DIP2A: variants seen among roughly 807,000 people sequenced by gnomAD.
DIP2A encodes the protein disco-interacting protein 2 homolog A.
Under a neutral mutation model 177.4 loss-of-function variants are expected in DIP2A, and 85 were observed. The observed-to-expected ratio is 0.48, with a 90% CI of 0.40 to 0.57. The LOEUF (loss-of-function observed/expected upper bound fraction) is 0.57. Ranked by LOEUF, DIP2A falls within the 20% of genes least tolerant of loss-of-function variation. The pLI, the probability that DIP2A is intolerant of heterozygous loss-of-function variation, is 0.00. For missense variants in DIP2A, 1,791 were observed against 2,100.2 expected, an observed-to-expected ratio of 0.85 and a Z score of 2.88; for synonymous variants, 886 against 881.8, an observed-to-expected ratio of 1.00 and a Z score of -0.08.
At chr21:46,493,366 C>CAGT (rs1200237090) in intron 3 of DIP2A, among the ~76,000 whole-genome samples, 2 of 151,414 alleles carry the variant, frequency 1.3e-5, no homozygotes, top group Admixed American at 1.3e-4. Context: ...AGGGGAATCA[C>CAGT]AGTAACTTCC....
chr21:46,472,494 C>T (rs959639077), intron 1 of DIP2A, among the ~76,000 whole-genome samples: 2 of 152,140 alleles, frequency 1.3e-5, no homozygotes, highest in Non-Finnish European at 2.9e-5. Flanking sequence ...CCAGTCAGCC[C>T]AAGGGGAGGG....
chr21:46,543,620 G>T (rs2059915042), intron 18 of DIP2A, among the ~76,000 whole-genome samples: 1 of 150,306 alleles, frequency 6.7e-6, no homozygotes, highest in Non-Finnish European at 1.5e-5. Context: ...CTTGTTGTGG[G>T]ACTGAGCCCC....
At chr21:46,516,702 C>T (rs1014282283) in intron 8 of DIP2A, among the ~76,000 whole-genome samples, 4 of 151,700 alleles carry the variant, frequency 2.6e-5, no homozygotes, top group African/African-American at 9.7e-5. Context: ...ACTGTGTTAG[C>T]CAGGATGGTC....
intron 8 of DIP2A, among the ~76,000 whole-genome samples, chr21:46,513,194 C>T (rs2058392072): frequency 6.6e-6 from 1 of 151,882 alleles, no homozygotes; most frequent in African/African-American, 2.4e-5. Flanking sequence ...TTCCTGCATG[C>T]TCTTCTAAAA....
intron 1 of DIP2A, among the ~76,000 whole-genome samples, chr21:46,466,319 G>A (rs1395894224): frequency 6.8e-6 from 1 of 146,348 alleles, no homozygotes; most frequent in East Asian, 2.1e-4. Flanking sequence ...TCACTGATAA[G>A]AGTTATAGAT....
intron 1 of DIP2A, among the ~76,000 whole-genome samples, chr21:46,478,589 G>C (rs944566265): frequency 1.3e-5 from 2 of 152,160 alleles, no homozygotes; most frequent in Non-Finnish European, 2.9e-5. Context: ...TGAGTCTTCA[G>C]ATTCATGAAT....
chr21:46,566,034 TC>T, intron 36 of DIP2A, 147 bp downstream of exon 36: 2 of 1,002,880 alleles, frequency 2.0e-6, no homozygotes, highest in Non-Finnish European at 2.9e-6. Context: ...ACAGCAGTTT[TC>T]TCTGAAAATA....
At chr21:46,489,090 CAAA>C (rs1294014838) in intron 2 of DIP2A, among the ~76,000 whole-genome samples, 2 of 152,150 alleles carry the variant, frequency 1.3e-5, no homozygotes, top group African/African-American at 2.4e-5. Context: ...CAGACACACA[CAAA>C]CACACGTGTG....
chr21:46,554,403 C>T, intron 26 of DIP2A, 111 bp downstream of exon 26: 2 of 1,555,716 alleles, frequency 1.3e-6, no homozygotes, highest in South Asian at 2.4e-5. Flanking sequence ...TAAGCTCAGC[C>T]CCTCCTCTCT....
chr21:46,465,631 A>G (rs1379396502), intron 1 of DIP2A, among the ~76,000 whole-genome samples: 1 of 152,184 alleles, frequency 6.6e-6, no homozygotes, highest in East Asian at 1.9e-4. Flanking sequence ...AAATTGAGGC[A>G]GGGACTCCAA....
intron 1 of DIP2A, among the ~76,000 whole-genome samples, chr21:46,463,801 C>T (rs536788132): frequency 2.0e-5 from 3 of 151,796 alleles, no homozygotes; most frequent in African/African-American, 2.4e-5. Context: ...CTCCACCTCC[C>T]GGGTTCAAGC....
chr21:46,510,650 A>C (rs1443013871), intron 7 of DIP2A, among the ~76,000 whole-genome samples: 1 of 68,842 alleles, frequency 1.5e-5, no homozygotes, highest in East Asian at 4.3e-4. Context: ...TTTTTTTTTG[A>C]GGCAGAGTCT....
Position 46,461,271 on chromosome 21 carries a change from C to CAAAAAAAAAAAAAAAAAAA in DIP2A, c.91+2053_91+2071dup, listed in dbSNP as rs60346777. ...AGAGCGAGAACCTGTCTCTTCTCACCAAAAAAAAAAAAAAAAAAAAAAGGA... is the reference window on the plus strand; with the variant it reads ...AGAGCGAGAACCTGTCTCTTCTCACCAAAAAAAAAAAAAAAAAAAAAAAAAAAAAAAAAAAAAAAAAGGA... On this transcript the variant is annotated intron_variant, in intron 1 of 37. Transcript: ENST00000417564. 8.3e-4 allele frequency among the ~76,000 whole-genome samples: 41 copies of CAAAAAAAAAAAAAAAAAAA among 49,318 alleles called. 3 individuals carry two copies. The highest frequency in any genetic ancestry group is 9.9e-4 in the Non-Finnish European group (29 of 29,350). 32.4% of individuals were successfully genotyped at this position (49,318 alleles called of 152,430 possible).
chr21:46,577,579 C>T, the DIP2A span, among the ~76,000 whole-genome samples: 11 of 152,170 alleles, frequency 7.2e-5, no homozygotes, highest in East Asian at 5.8e-4. Context: ...CCTCCAACTT[C>T]GTTCTTTTTG....
intron 28 of DIP2A, 86 bp from the exon 29 acceptor site, chr21:46,555,896 C>T (rs1569105255): frequency 9.9e-7 from 1 of 1,007,854 alleles, no homozygotes; most frequent in African/African-American, 1.6e-5. Flanking sequence ...AAGGACAAAT[C>T]ATGTGTCGCC....
At chr21:46,571,222 G>A (rs1159128458), downstream of DIP2A, among the ~76,000 whole-genome samples, 3 of 152,190 alleles carry the variant, frequency 2.0e-5, no homozygotes. Flanking sequence ...AATGCCTGAT[G>A]ATCTGAGGTG....
rs112020191 is a variant in DIP2A at position 46,484,031 on chromosome 21, C to T, written c.92-726C>T. Among the ~76,000 whole-genome samples, 287 of 152,198 alleles carry T rather than the reference C, an allele frequency of 1.9e-3. 2 individuals carry two copies. The highest frequency in any genetic ancestry group is 6.5e-3 in the African/African-American group (271 of 41,534). On this transcript the variant is annotated intron_variant, in intron 1 of 37. Coordinates refer to ENST00000417564, the MANE Select transcript of DIP2A (RefSeq NM_015151.4). ...TTAATTTGTTTTCAGGCTGTTTTTC[C>T]TTATGATAATTTACTGGAACAGCCG...
intron 8 of DIP2A, among the ~76,000 whole-genome samples, chr21:46,514,656 G>A (rs199955020): frequency 1.2e-4 from 1 of 8,680 alleles, no homozygotes. Context: ...TTTTTTTTTT[G>A]CACAAGCTAG....
At chr21:46,495,714 C>G (rs1050767168) in intron 3 of DIP2A, among the ~76,000 whole-genome samples, 1 of 152,108 alleles carries the variant, frequency 6.6e-6, no homozygotes, top group African/African-American at 2.4e-5. Flanking sequence ...CTCAAGTGAT[C>G]CTCCAGCTTC....
Sources: gnomAD v4.1 joint callset for allele counts (sites outside exome capture counted in the v4.1 genomes callset) on GRCh38, gnomAD v4.1.1 for gene constraint, MANE v1.5 for transcripts, NCBI Gene and HGNC (gene_info 2026-07-23, HGNC 2026-07-21) for gene names.